The following SGCZ variants were observed in gnomAD, a reference collection of about 807,000 sequenced individuals.
The protein encoded by SGCZ is sarcoglycan zeta, also known as zeta-sarcoglycan.
In SGCZ, 40 loss-of-function variants were observed where a neutral mutation model predicts 41.3. The observed-to-expected ratio is 0.97, with a 90% CI of 0.75 to 1.26. The LOEUF (loss-of-function observed/expected upper bound fraction) is 1.26. Ranked by LOEUF, SGCZ falls within the 50% of genes most tolerant of loss-of-function variation. The pLI is 0.00. For missense variants in SGCZ, 552 were observed against 369.8 expected, an observed-to-expected ratio of 1.49 and a Z score of -4.04; for synonymous variants, 206 against 137.5, an observed-to-expected ratio of 1.50 and a Z score of -3.49.
chr8:15,004,903 C>T (rs1287858924), intron 1 of SGCZ, among the ~76,000 whole-genome samples: 1 of 151,792 alleles, frequency 6.6e-6, no homozygotes, highest in African/African-American at 2.4e-5. Flanking sequence ...TACAGATTCT[C>T]ACCACTGCCA....
chr8:14,368,588 A>T (rs1222706155), intron 2 of SGCZ, among the ~76,000 whole-genome samples: 2 of 152,090 alleles, frequency 1.3e-5, no homozygotes, highest in African/African-American at 2.4e-5. Context: ...AACAGTGCTC[A>T]CAATGCCAAG....
chr8:15,174,689 C>T (rs1476207205), intron 1 of SGCZ, among the ~76,000 whole-genome samples: 2 of 152,152 alleles, frequency 1.3e-5, no homozygotes, highest in Non-Finnish European at 2.9e-5. Flanking sequence ...CCAATTTATC[C>T]ACATGCCTTC....
chr8:14,722,801 T>C (rs966636653), intron 1 of SGCZ, among the ~76,000 whole-genome samples: 2 of 152,150 alleles, frequency 1.3e-5, no homozygotes, highest in Admixed American at 6.5e-5. Flanking sequence ...TGTATGTATA[T>C]GCATACATGT....
Position 14,153,902 on chromosome 8 carries a change from GTC to G in SGCZ, c.547+10676_547+10677del, listed in dbSNP as rs140286697. Reference sequence around the variant, plus strand: ...AGACACCAGGTCGGTCAGTCTGTCTGTCTCTCTCTCTCTCTCTCTCTCACACA... The same window carrying G: ...AGACACCAGGTCGGTCAGTCTGTCTGTCTCTCTCTCTCTCTCTCTCACACA... On this transcript the variant is annotated intron_variant, in intron 5 of 7. Coordinates refer to ENST00000382080, the MANE Select transcript of SGCZ (RefSeq NM_139167.4). Among the ~76,000 whole-genome samples the G allele has an allele frequency of 7.2e-3, 1,050 of 146,446 alleles. 8 individuals carry two copies. The highest frequency in any genetic ancestry group is 0.019 in the African/African-American group (747 of 39,536).
At position 15,131,172 on chromosome 8, in the gene SGCZ, A is replaced by T. The variant is rs139574144; in HGVS notation, c.39+106413T>A. Among the ~76,000 whole-genome samples the T allele has an allele frequency of 1.4e-3, 211 of 152,282 alleles. 1 individual carries two copies. The highest frequency in any genetic ancestry group is 2.6e-3 in the Non-Finnish European group (179 of 68,014). On this transcript the variant is annotated intron_variant, in intron 1 of 7. Transcript: ENST00000382080. ...AGTGATATCGTTTGTCTGTGTCCCCACCCAAATGTCATCTTGAATTGTAGC... is the reference window on the plus strand; with the variant it reads ...AGTGATATCGTTTGTCTGTGTCCCCTCCCAAATGTCATCTTGAATTGTAGC...
chr8:14,599,561 A>C (rs1429106496), intron 1 of SGCZ, among the ~76,000 whole-genome samples: 1 of 152,122 alleles, frequency 6.6e-6, no homozygotes, highest in Admixed American at 6.5e-5. Flanking sequence ...CTCTTCTCTA[A>C]TATCTAGCCC....
At chr8:14,199,434 T>C (rs1824735) in intron 4 of SGCZ, among the ~76,000 whole-genome samples, 151,266 of 152,088 alleles carry the variant, frequency 0.99, 75,231 homozygotes, top group East Asian at 1. Context: ...AATTTCGCCC[T>C]GGTCCTTTGG....
intron 1 of SGCZ, among the ~76,000 whole-genome samples, chr8:14,876,792 C>T (rs1426968842): frequency 1.3e-5 from 2 of 152,062 alleles, no homozygotes; most frequent in African/African-American, 4.8e-5. Flanking sequence ...TTATATGTAA[C>T]AAACAGCAAA....
intron 1 of SGCZ, among the ~76,000 whole-genome samples, chr8:14,746,783 A>T (rs1364380592): frequency 1.2e-4 from 18 of 152,194 alleles, no homozygotes; most frequent in Admixed American, 1.2e-3. Context: ...TTGTGTGTAT[A>T]CCAAACAGTA....
chr8:14,896,713 G>C (rs528788131), intron 1 of SGCZ, among the ~76,000 whole-genome samples: 1 of 152,102 alleles, frequency 6.6e-6, no homozygotes, highest in African/African-American at 2.4e-5. Flanking sequence ...CTGACCTCCA[G>C]TGATAAACCT....
intron 1 of SGCZ, among the ~76,000 whole-genome samples, chr8:14,800,066 C>T (rs1240929193): frequency 6.6e-6 from 1 of 152,060 alleles, no homozygotes; most frequent in Non-Finnish European, 1.5e-5. Context: ...CCATTATGTA[C>T]TCTACCTATA....
rs376169255 is a variant in SGCZ at position 14,164,644 on chromosome 8, G to A, written c.483C>T (p.Gly161=). 6.2e-7 allele frequency: 1 copy of A among 1,613,476 alleles called. No individual in the cohort carries two copies. Among genetic ancestry groups the A allele is most frequent in the Non-Finnish European group, 8.5e-7 (1 of 1,179,718 alleles). The change falls in exon 5 of 8, where the codon GGC becomes GGT. Residue 161 remains glycine (G), a synonymous_variant. Coordinates refer to ENST00000382080, the MANE Select transcript of SGCZ (RefSeq NM_139167.4). ...KRFEVRASED[G]RVLFSADEDE... ...CTTCATCTGCAGAAAACAGCACCCT[G>A]CCATCTTCACTGGCTCTCACTTCAA...
intron 1 of SGCZ, among the ~76,000 whole-genome samples, chr8:14,845,404 G>C (rs982383997): frequency 3.9e-5 from 6 of 152,046 alleles, no homozygotes; most frequent in African/African-American, 1.5e-4. Flanking sequence ...AATACAAAAA[G>C]CAGCACCCAA....
intron 2 of SGCZ, among the ~76,000 whole-genome samples, chr8:14,427,135 G>C (rs1310328310): frequency 6.6e-6 from 1 of 151,200 alleles, no homozygotes; most frequent in Non-Finnish European, 1.5e-5. Context: ...ACCTTAATGT[G>C]CTCATTCAAG....
rs1491137560 is a variant in SGCZ, at chr8:14,551,488, ATT to A, written c.234+3242_234+3243del. On this transcript the variant is annotated intron_variant, in intron 2 of 7. Coordinates refer to ENST00000382080, the MANE Select transcript of SGCZ (RefSeq NM_139167.4). ...ATTATATATATTATATATTATATAT[ATT>A]ATATATATTATATATATTATATATA... Among the ~76,000 whole-genome samples, 13 of 3,254 alleles carry A rather than the reference ATT, an allele frequency of 4.0e-3. 1 individual carries two copies. The highest frequency in any genetic ancestry group is 5.8e-3 in the Non-Finnish European group (8 of 1,378). 2.1% of individuals were successfully genotyped at this position (3,254 alleles called of 152,430 possible).
intron 1 of SGCZ, among the ~76,000 whole-genome samples, chr8:14,780,654 T>G (rs908964441): frequency 2.0e-5 from 3 of 152,118 alleles, no homozygotes; most frequent in Non-Finnish European, 4.4e-5. Context: ...GAGCTGATCA[T>G]AAAACCTCAA....
At chr8:14,335,996 T>A (rs1585378339) in intron 2 of SGCZ, among the ~76,000 whole-genome samples, 1 of 152,138 alleles carries the variant, frequency 6.6e-6, no homozygotes, top group Non-Finnish European at 1.5e-5. Context: ...GGGTTTGTTA[T>A]ACAGATTATC....
intron 1 of SGCZ, among the ~76,000 whole-genome samples, chr8:14,728,762 A>AGGC (rs1355668294): frequency 1.3e-5 from 2 of 152,228 alleles, no homozygotes; most frequent in Non-Finnish European, 2.9e-5. Flanking sequence ...AAGTGACAAC[A>AGGC]GGCTCTAAGA....
intron 1 of SGCZ, among the ~76,000 whole-genome samples, chr8:15,229,131 G>A (rs1288545395): frequency 2.0e-5 from 3 of 152,138 alleles, no homozygotes; most frequent in Non-Finnish European, 4.4e-5. Context: ...GGCAGAGGTT[G>A]TAGTGAACCG....
Sources: gnomAD v4.1 joint callset for allele counts (sites outside exome capture counted in the v4.1 genomes callset) on GRCh38, gnomAD v4.1.1 for gene constraint, MANE v1.5 for transcripts, NCBI Gene and HGNC (gene_info 2026-07-23, HGNC 2026-07-21) for gene names.